RAB27B: variants seen among roughly 807,000 people sequenced by gnomAD.
RAB27B encodes ras-related protein Rab-27B.
RAB27B carries 15 observed loss-of-function variants against 24.6 expected under a neutral mutation model. That is an observed-to-expected ratio of 0.61 (90% CI 0.41 to 0.94). RAB27B has a LOEUF of 0.94. Ranked by LOEUF, RAB27B falls within the 40% of genes least tolerant of loss-of-function variation. The pLI, the probability that RAB27B is intolerant of heterozygous loss-of-function variation, is 0.00. For synonymous variants in RAB27B, 105 were observed against 92.5 expected (o/e 1.14, Z -0.78); for missense variants, 261 against 266.8 (o/e 0.98, Z 0.15).
upstream of RAB27B, among the ~76,000 whole-genome samples, chr18:54,823,484 T>C (rs773067619): frequency 1.5e-4 from 23 of 152,162 alleles, no homozygotes; most frequent in Admixed American, 2.0e-4. Flanking sequence ...GACCAGAAGG[T>C]CAGTGACTCA....
chr18:54,882,596 G>A (rs894042991), intron 3 of RAB27B, among the ~76,000 whole-genome samples: 3 of 152,200 alleles, frequency 2.0e-5, no homozygotes, highest in African/African-American at 7.2e-5. Context: ...CAATGTATGA[G>A]TGAGTGCTAT....
rs1161957988 is a variant in RAB27B at position 54,895,230 on chromosome 18, C to T, written c.*5817C>T. ...ATTATCTTTATTTTTAGGCTAAGCACGTTTGATTATTTTGTCTGTCTCCTA... is the reference window on the plus strand; with the variant it reads ...ATTATCTTTATTTTTAGGCTAAGCATGTTTGATTATTTTGTCTGTCTCCTA... On this transcript the variant is annotated 3_prime_UTR_variant, in exon 6 of 6. Coordinates refer to ENST00000262094, the MANE Select transcript of RAB27B (RefSeq NM_004163.4). 6.6e-6 allele frequency: 1 copy of T among 152,044 alleles called. No individual in the cohort carries two copies. Among genetic ancestry groups the T allele is most frequent in the Non-Finnish European group, 1.5e-5 (1 of 67,996 alleles). The allele number at this position is 152,044 out of a possible 1,614,324, so 9.4% of individuals were successfully genotyped here. A position where few individuals can be genotyped will look rare whatever the true frequency, so the allele number is the denominator to read the frequency against.
At chr18:54,834,264 C>G (rs746452479) in intron 1 of RAB27B, among the ~76,000 whole-genome samples, 1 of 152,004 alleles carries the variant, frequency 6.6e-6, no homozygotes, top group Non-Finnish European at 1.5e-5. Context: ...ATACCAAGAC[C>G]CACTCACATA....
chr18:54,741,247 C>T (rs2145010605), intron 2 of RAB27B, among the ~76,000 whole-genome samples: 1 of 152,250 alleles, frequency 6.6e-6, no homozygotes, highest in African/African-American at 2.4e-5. Context: ...TTCCTCCGCC[C>T]ATCCCACCAT....
At chr18:54,872,100 G>C (rs138807117) in intron 1 of RAB27B, among the ~76,000 whole-genome samples, 2,130 of 152,186 alleles carry the variant, frequency 0.014, 32 homozygotes, top group Middle Eastern at 0.054. Flanking sequence ...CAAGTGAGAG[G>C]TGGTGATGAG....
intron 1 of RAB27B, among the ~76,000 whole-genome samples, chr18:54,839,387 T>C (rs1911020140): frequency 6.6e-6 from 1 of 152,170 alleles, no homozygotes. Context: ...AAGACCTTTG[T>C]GCCATAAATA....
At chr18:54,816,996 G>A (rs896328038) in intron 2 of RAB27B, among the ~76,000 whole-genome samples, 2 of 151,878 alleles carry the variant, frequency 1.3e-5, no homozygotes, top group African/African-American at 4.8e-5. Context: ...CATTTATTTC[G>A]AGAGTCTGAT....
intron 2 of RAB27B, among the ~76,000 whole-genome samples, chr18:54,802,908 G>A (rs1318698411): frequency 6.6e-6 from 1 of 152,204 alleles, no homozygotes; most frequent in Non-Finnish European, 1.5e-5. Flanking sequence ...AATCATGTGA[G>A]GAGTGGCAGT....
chr18:54,723,916 A>G (rs986705342), intron 2 of RAB27B, among the ~76,000 whole-genome samples: 1 of 152,220 alleles, frequency 6.6e-6, no homozygotes, highest in Admixed American at 6.5e-5. Flanking sequence ...AGGTCATGAA[A>G]TATAAATATA....
rs2871674 is a variant in RAB27B, at chr18:54,851,426, T to G, written c.-20+22726T>G. Among the ~76,000 whole-genome samples, 1,212 of 152,348 alleles carry G rather than the reference T, an allele frequency of 8.0e-3. 20 individuals carry two copies. The highest frequency in any genetic ancestry group is 0.028 in the African/African-American group (1,150 of 41,590). On this transcript the variant is annotated intron_variant, in intron 1 of 5. Transcript: ENST00000262094. Reference sequence around the variant, plus strand: ...AAGCAAACCTGCAAAATCTATCTTATGCATATAAAAACATTTAGGCGCAAA... The same window carrying G: ...AAGCAAACCTGCAAAATCTATCTTAGGCATATAAAAACATTTAGGCGCAAA...
chr18:54,773,176 A>T (rs190279211), intron 2 of RAB27B, among the ~76,000 whole-genome samples: 36 of 152,352 alleles, frequency 2.4e-4, no homozygotes, highest in Non-Finnish European at 2.9e-5. Context: ...TTTCTAAAGC[A>T]CTAAAGGAAA....
intron 2 of RAB27B, among the ~76,000 whole-genome samples, chr18:54,822,850 A>T (rs181003543): frequency 1.3e-5 from 2 of 152,340 alleles, no homozygotes; most frequent in East Asian, 3.9e-4. Context: ...TAGGACATTC[A>T]TCAAGGCTAT....
rs149374630 is a variant in RAB27B, at chr18:54,893,757, A to C, written c.*4344A>C. On this transcript the variant is annotated 3_prime_UTR_variant, in exon 6 of 6. Coordinates refer to ENST00000262094, the MANE Select transcript of RAB27B (RefSeq NM_004163.4). The stretch of plus-strand genomic sequence containing the variant: ...CTTAGAATTTCTGGGTGGAGACCCA[A>C]CTACAATGACATTGTCATGCCAGAA... 6.6e-6 allele frequency: 1 copy of C among 152,126 alleles called. No homozygotes were observed. The highest frequency in any genetic ancestry group is 2.4e-5 in the African/African-American group (1 of 41,556). 9.4% of individuals were successfully genotyped at this position (152,126 alleles called of 1,614,324 possible).
chr18:54,763,307 GTTTATTTA>G (rs375150305), intron 2 of RAB27B, among the ~76,000 whole-genome samples: 56 of 151,780 alleles, frequency 3.7e-4, no homozygotes, highest in South Asian at 6.2e-4. Context: ...CTATGTGTTT[GTTTATTTA>G]TTTATTTATT....
At chr18:54,862,385 G>T (rs557139329) in intron 1 of RAB27B, among the ~76,000 whole-genome samples, 2 of 152,296 alleles carry the variant, frequency 1.3e-5, no homozygotes, top group South Asian at 4.1e-4. Flanking sequence ...AAGCTTTGCT[G>T]ACAGCCATCA....
Position 54,801,843 on chromosome 18 carries a change from C to A in RAB27B, c.-19-75724C>A, listed in dbSNP as rs188258398. On this transcript the variant is annotated intron_variant, in intron 2 of 4. Coordinates refer to the RAB27B transcript ENST00000586570. ...CTGTGGATGATATGGGCTCTGTCAG[C>A]AACTATGGAGGTCACTTTTTGCTAT... Among the ~76,000 whole-genome samples the A allele has an allele frequency of 2.0e-5, 3 of 152,294 alleles. No homozygotes were observed. The East Asian group carries it at 5.8e-4, about 29-fold the overall frequency.
Position 54,812,790 on chromosome 18 carries a change from GA to G in RAB27B, c.-19-64773del, listed in dbSNP as rs1910008180. Among the ~76,000 whole-genome samples the G allele has an allele frequency of 2.0e-5, 3 of 151,974 alleles. No individual in the cohort carries two copies. The South Asian group carries it at 6.2e-4, about 32-fold the overall frequency. On this transcript the variant is annotated intron_variant, in intron 2 of 4. Transcript: ENST00000586570. ...AGAATAATTTAAATCGTAGTGTGAG[GA>G]AAACAAAATATATACAAGCACACAT...
intron 1 of RAB27B, among the ~76,000 whole-genome samples, chr18:54,864,280 C>T (rs184960726): frequency 8.1e-4 from 124 of 152,272 alleles, no homozygotes; most frequent in Admixed American, 5.5e-3. Flanking sequence ...CTTCTTTTCA[C>T]GTACCATTTA....
intron 1 of RAB27B, among the ~76,000 whole-genome samples, chr18:54,870,859 TG>T (rs1185734086): frequency 6.6e-6 from 1 of 152,136 alleles, no homozygotes; most frequent in East Asian, 1.9e-4. Context: ...CAAAATAATC[TG>T]GTAGGTGGAG....
Sources: allele counts gnomAD v4.1 joint callset (sites outside exome capture counted in the v4.1 genomes callset), GRCh38; gene constraint gnomAD v4.1.1; transcripts MANE v1.5; gene names NCBI Gene and HGNC (gene_info 2026-07-23, HGNC 2026-07-21).